The following ABCC9 variants were observed in gnomAD, a reference collection of about 807,000 sequenced individuals.
ABCC9 encodes the protein ATP binding cassette subfamily C member 9, also known as ATP-binding cassette sub-family C member 9.
In ABCC9, 95 loss-of-function variants were observed where a neutral mutation model predicts 188.3. That is an observed-to-expected ratio of 0.50 (90% CI 0.43 to 0.60). The LOEUF (loss-of-function observed/expected upper bound fraction) is 0.60. Ranked by LOEUF, ABCC9 falls within the 20% of genes least tolerant of loss-of-function variation. The probability of loss-of-function intolerance (pLI) is 0.00; values close to 1 mark genes in which losing one functional copy is unlikely to be tolerated. For missense variants in ABCC9, 1,102 were observed against 1,876.3 expected (o/e 0.59, Z 7.62); for synonymous variants, 659 against 652.7 (o/e 1.01, Z -0.15).
At chr12:21,813,489 G>T (rs1036649144) in intron 35 of ABCC9, among the ~76,000 whole-genome samples, 1 of 152,062 alleles carries the variant, frequency 6.6e-6, no homozygotes, top group East Asian at 1.9e-4. Flanking sequence ...ATAGCCTATG[G>T]CTATTAAAAA....
Position 21,933,865 on chromosome 12 carries a change from C to G in ABCC9, c.201G>C (p.Pro67=), listed in dbSNP as rs769322587. 1.9e-6 allele frequency: 3 copies of G among 1,613,466 alleles called. No homozygotes were observed. Among genetic ancestry groups the G allele is most frequent in the Non-Finnish European group, 2.5e-6 (3 of 1,179,682 alleles). Residue 67 remains proline, a synonymous_variant, in exon 4 of 40, where the codon CCG becomes CCC. Transcript: ENST00000261200. ...TAAGAATCCATCTCAGGTTATGTCCCGGAAAATGAAGCCATGTGTTGTGGT... is the reference window on the plus strand; with the variant it reads ...TAAGAATCCATCTCAGGTTATGTCCGGGAAAATGAAGCCATGTGTTGTGGT... ...QIHHNTWLHF[P]GHNLRWILTF...
chr12:21,864,902 G>A (rs1945705909), intron 18 of ABCC9, among the ~76,000 whole-genome samples: 1 of 152,092 alleles, frequency 6.6e-6, no homozygotes, highest in Non-Finnish European at 1.5e-5. Flanking sequence ...CCCTAAGGTA[G>A]CAGCAGAAAT....
chr12:21,829,632 A>C (rs1487926925), intron 30 of ABCC9, among the ~76,000 whole-genome samples: 1 of 152,218 alleles, frequency 6.6e-6, no homozygotes, highest in African/African-American at 2.4e-5. Context: ...TTCTAATAAC[A>C]ACATTGTATT....
chr12:21,935,104 A>C (rs896760046), intron 3 of ABCC9, among the ~76,000 whole-genome samples: 4 of 152,078 alleles, frequency 2.6e-5, no homozygotes, highest in Non-Finnish European at 4.4e-5. Flanking sequence ...ATTCTCTTCT[A>C]TTCAAATACC....
At chr12:21,892,966 C>A (rs187596580) in intron 14 of ABCC9, among the ~76,000 whole-genome samples, 5 of 152,136 alleles carry the variant, frequency 3.3e-5, no homozygotes, top group Admixed American at 6.5e-5. Context: ...TTCAATATTG[C>A]GACATCTTGG....
At position 21,806,030 on chromosome 12, in the gene ABCC9, C is replaced by A; in HGVS notation, c.4480G>T (p.Ala1494Ser). Residue 1494 changes from alanine to serine, a missense_variant, in exon 39 of 40, where the codon GCC becomes TCC. Transcript: ENST00000261200. ...ENILQKVVMT[A>S]FADRTVVTIA... ...GTCACCACGGTCCGGTCTGCAAAGGCTGTCATTACTACTTTTTGCAAAATA... is the reference window on the plus strand; with the variant it reads ...GTCACCACGGTCCGGTCTGCAAAGGATGTCATTACTACTTTTTGCAAAATA... 2.5e-6 allele frequency: 4 copies of A among 1,613,464 alleles called. No individual in the cohort carries two copies. Among genetic ancestry groups the A allele is most frequent in the Non-Finnish European group, 3.4e-6 (4 of 1,179,796 alleles).
intron 10 of ABCC9, 58 bp downstream of exon 10, chr12:21,910,099 G>T: frequency 2.0e-6 from 3 of 1,482,402 alleles, no homozygotes; most frequent in Non-Finnish European, 2.8e-6. Flanking sequence ...ATACATTACT[G>T]CTTTTTTTGT....
chr12:21,848,432 A>G (rs1328261751), intron 24 of ABCC9, among the ~76,000 whole-genome samples, 186 bp from the exon 25 acceptor site: 1 of 152,156 alleles, frequency 6.6e-6, no homozygotes, highest in Non-Finnish European at 1.5e-5. Flanking sequence ...ACTTGTAGTA[A>G]GTGCTGCAGT....
chr12:21,854,629 G>A (rs1173684727), intron 22 of ABCC9, among the ~76,000 whole-genome samples: 1 of 152,136 alleles, frequency 6.6e-6, no homozygotes, highest in Non-Finnish European at 1.5e-5. Flanking sequence ...CTGTGTATAG[G>A]AATTGGCTTT....
At chr12:21,917,816 A>G (rs1450867487) in intron 5 of ABCC9, among the ~76,000 whole-genome samples, 2 of 152,198 alleles carry the variant, frequency 1.3e-5, no homozygotes, top group East Asian at 1.9e-4. Context: ...CAAGGATACA[A>G]TCTACTTTGA....
chr12:21,925,966 A>G lies in ABCC9; in HGVS notation c.382T>C (p.Ser128Pro), dbSNP rs1949028117. The change falls in exon 5 of 40, where the codon TCA (serine) becomes CCA (proline). Residue 128 changes from serine (S) to proline (P), a missense_variant. By Grantham distance (74) the Ser-to-Pro change is moderately conservative. Around this residue, in one of 12 missense-constraint regions of ABCC9, gnomAD observed 305 missense variants for 573.0 expected, o/e 0.53. Coordinates refer to ENST00000261200, the MANE Select transcript of ABCC9 (RefSeq NM_020297.4). ...SIVYYHNIET[S>P]NFPKLLLALF... Reference sequence around the variant, plus strand: ...CCTAAAAGTAATTTAGGAAAATTTGATGTTTCGATATTATGATAATACACT... The same window carrying G: ...CCTAAAAGTAATTTAGGAAAATTTGGTGTTTCGATATTATGATAATACACT... The G allele has an allele frequency of 1.9e-6, 3 of 1,613,086 alleles. No homozygotes were observed. Among genetic ancestry groups the G allele is most frequent in the Admixed American group, 1.7e-5 (1 of 60,000 alleles).
chr12:21,888,878 A>G (rs1263173646), intron 14 of ABCC9, among the ~76,000 whole-genome samples: 2 of 149,910 alleles, frequency 1.3e-5, no homozygotes, highest in Non-Finnish European at 3.0e-5. Context: ...AAGGAAAAGA[A>G]GTGCTCCTTT....
chr12:21,874,714 A>G (rs749795117), intron 17 of ABCC9, among the ~76,000 whole-genome samples: 9 of 152,216 alleles, frequency 5.9e-5, no homozygotes, highest in South Asian at 2.1e-4. Flanking sequence ...TCACAACAAC[A>G]TGGATGAACC....
chr12:21,871,019 TAGG>T (rs572032599), intron 18 of ABCC9, among the ~76,000 whole-genome samples: 2 of 152,206 alleles, frequency 1.3e-5, no homozygotes, highest in Non-Finnish European at 2.9e-5. Flanking sequence ...CAGGCCAGAT[TAGG>T]AGATCTTCCT....
At chr12:21,937,458 G>C (rs569977028) in intron 2 of ABCC9, among the ~76,000 whole-genome samples, 36 of 152,220 alleles carry the variant, frequency 2.4e-4, no homozygotes, top group Middle Eastern at 3.4e-3. Context: ...TGCTTTGTAA[G>C]TCATTGTCAG....
chr12:21,915,286 G>GTATGTATATACATGTGTATAATGTGTGTA (rs1555116041), intron 7 of ABCC9, among the ~76,000 whole-genome samples: 1 of 129,094 alleles, frequency 7.7e-6, no homozygotes, highest in Non-Finnish European at 1.6e-5. Context: ...ATATATGTGT[G>GTATGTATATACATGTGTATAATGTGTGTA]TATATATACA....
At chr12:21,891,105 ATTAGTTTCCC>A (rs1009471659) in intron 14 of ABCC9, among the ~76,000 whole-genome samples, 1 of 152,152 alleles carries the variant, frequency 6.6e-6, no homozygotes, top group African/African-American at 2.4e-5. Context: ...CCATACAGTA[ATTAGTTTCCC>A]TTCCTGGTCT....
At chr12:21,809,644 C>T (rs966080075) in intron 37 of ABCC9, among the ~76,000 whole-genome samples, 1 of 152,100 alleles carries the variant, frequency 6.6e-6, no homozygotes, top group African/African-American at 2.4e-5. Flanking sequence ...GGAGTAGTCA[C>T]ATAGAACAGA....
chr12:21,903,725 G>T (rs1408958912), intron 12 of ABCC9, among the ~76,000 whole-genome samples: 1 of 152,138 alleles, frequency 6.6e-6, no homozygotes, highest in Non-Finnish European at 1.5e-5. Flanking sequence ...ACCTACAAGG[G>T]ATATGAAGGA....
Sources: gnomAD v4.1 joint callset for allele counts (sites outside exome capture counted in the v4.1 genomes callset) on GRCh38, gnomAD v4.1.1 for gene constraint, gnomAD v4.1.1 regional missense constraint, MANE v1.5 for transcripts, NCBI Gene and HGNC (gene_info 2026-07-23, HGNC 2026-07-21) for gene names.